CDYL: variants seen among roughly 807,000 people sequenced by gnomAD.
CDYL encodes chromodomain Y-like protein.
A neutral mutation model predicts 47.3 loss-of-function variants in CDYL; 8 were observed. The ratio of observed to expected loss-of-function variants is 0.17; its 90% CI spans 0.10 to 0.31. CDYL has a LOEUF of 0.31. Ranked by LOEUF, CDYL falls within the 10% of genes least tolerant of loss-of-function variation. The pLI is 1.00. For synonymous variants in CDYL, 266 were observed against 265.0 expected, an observed-to-expected ratio of 1.00 and a Z score of -0.04; for missense variants, 471 against 701.4, an observed-to-expected ratio of 0.67 and a Z score of 3.71.
chr6:4,819,144 C>G (rs1490963938), intron 1 of CDYL, among the ~76,000 whole-genome samples: 2 of 141,394 alleles, frequency 1.4e-5, no homozygotes, highest in African/African-American at 5.8e-5. Context: ...CTCTCTCTCT[C>G]TCTCTCTCTC....
At chr6:4,910,934 C>T (rs1561703880) in intron 2 of CDYL, among the ~76,000 whole-genome samples, 3 of 152,016 alleles carry the variant, frequency 2.0e-5, no homozygotes, top group African/African-American at 7.3e-5. Context: ...CCCAGGTTCA[C>T]GCCATTCTCC....
chr6:4,840,576 A>G (rs1417913487), intron 1 of CDYL, among the ~76,000 whole-genome samples: 4 of 152,148 alleles, frequency 2.6e-5, no homozygotes, highest in South Asian at 2.1e-4. Context: ...TGTCCCTTCT[A>G]TGCTGATTTT....
chr6:4,870,303 T>C (rs938340100), intron 1 of CDYL, among the ~76,000 whole-genome samples: 9 of 152,216 alleles, frequency 5.9e-5, no homozygotes, highest in African/African-American at 2.2e-4. Flanking sequence ...TGTTTTCCCT[T>C]TGGTGCTTTG....
upstream of CDYL, among the ~76,000 whole-genome samples, chr6:4,771,605 C>T (rs1758339346): frequency 6.6e-6 from 1 of 152,206 alleles, no homozygotes; most frequent in Non-Finnish European, 1.5e-5. Context: ...CAACATCCAC[C>T]TGCTCCTGGG....
chr6:4,745,251 C>T (rs191428099), intron 3 of CDYL, among the ~76,000 whole-genome samples: 20 of 152,216 alleles, frequency 1.3e-4, no homozygotes, highest in African/African-American at 3.1e-4. Flanking sequence ...TGAGCCACCT[C>T]GCCTGGCCTA....
intron 1 of CDYL, among the ~76,000 whole-genome samples, chr6:4,851,885 G>A (rs1760839170): frequency 6.6e-6 from 1 of 152,126 alleles, no homozygotes; most frequent in South Asian, 2.1e-4. Context: ...GTTCAAATAA[G>A]TGGGGGTGAT....
intron 2 of CDYL, among the ~76,000 whole-genome samples, chr6:4,918,470 G>A (rs1315241245): frequency 6.6e-6 from 1 of 151,504 alleles, no homozygotes; most frequent in African/African-American, 2.4e-5. Flanking sequence ...GCTTTAAAAA[G>A]GAAATAACTA....
intron 5 of CDYL, among the ~76,000 whole-genome samples, chr6:4,945,130 G>A (rs1758473967): frequency 6.6e-6 from 1 of 152,112 alleles, no homozygotes; most frequent in Admixed American, 6.5e-5. Flanking sequence ...TGGGCTCCTG[G>A]GCCAGAGAAA....
chr6:4,810,736 C>G (rs1480527515), intron 1 of CDYL, among the ~76,000 whole-genome samples: 2 of 152,210 alleles, frequency 1.3e-5, no homozygotes, highest in Non-Finnish European at 2.9e-5. Flanking sequence ...GAGGGCTGCT[C>G]TCTGCCCTTC....
intron 1 of CDYL, among the ~76,000 whole-genome samples, chr6:4,872,600 A>G (rs530089506): frequency 1.3e-5 from 2 of 152,078 alleles, no homozygotes; most frequent in Non-Finnish European, 2.9e-5. Flanking sequence ...GGCTGGTCTC[A>G]AACTCCTGAC....
chr6:4,897,997 G>T (rs1762336446), intron 2 of CDYL, among the ~76,000 whole-genome samples: 1 of 151,904 alleles, frequency 6.6e-6, no homozygotes, highest in Admixed American at 6.6e-5. Context: ...GCAAGAGGTT[G>T]CTGTGAGCCG....
At chr6:4,749,346 T>TGG (rs1270250488) in intron 3 of CDYL, among the ~76,000 whole-genome samples, 8 of 81,606 alleles carry the variant, frequency 9.8e-5, no homozygotes, top group Non-Finnish European at 3.1e-4. Flanking sequence ...GATGGCTGGA[T>TGG]ATGAGATAGA....
intron 1 of CDYL, among the ~76,000 whole-genome samples, chr6:4,828,062 C>T (rs1760028008): frequency 6.6e-6 from 1 of 152,066 alleles, no homozygotes; most frequent in Admixed American, 6.6e-5. Context: ...TACCAGAGAG[C>T]TTTATTTCTT....
intron 5 of CDYL, among the ~76,000 whole-genome samples, chr6:4,950,711 G>A (rs1034232929): frequency 1.3e-5 from 2 of 152,052 alleles, no homozygotes; most frequent in Non-Finnish European, 2.9e-5. Context: ...GGCGGATCAC[G>A]AGGTCAGGAG....
intron 2 of CDYL, among the ~76,000 whole-genome samples, chr6:4,721,839 T>G (rs1757376115): frequency 6.6e-6 from 1 of 151,958 alleles, no homozygotes; most frequent in South Asian, 2.1e-4. Context: ...GACACAGACT[T>G]TATCATAATT....
Position 4,879,548 on chromosome 6 carries a change from TG to T in CDYL, c.25-12161del, listed in dbSNP as rs1215012347. On this transcript the variant is annotated intron_variant, in intron 1 of 6. Transcript: ENST00000397588. ...TTATAATATTTCCATTTCTTTTTTG[TG>T]GGGTTTTTTTTTTTTTTTTTTTTTT... Among the ~76,000 whole-genome samples the T allele has an allele frequency of 2.5e-3, 345 of 136,864 alleles. 4 individuals are homozygous for T. Among genetic ancestry groups the T allele is most frequent in the African/African-American group, 8.6e-3 (311 of 36,068 alleles). 89.8% of individuals were successfully genotyped at this position (136,864 alleles called of 152,430 possible).
chr6:4,888,493 T>G (rs1761956696), intron 1 of CDYL, among the ~76,000 whole-genome samples: 1 of 152,194 alleles, frequency 6.6e-6, no homozygotes, highest in South Asian at 2.1e-4. Context: ...TGTTCCCTCT[T>G]TAATTCCTGG....
At chr6:4,800,948 C>T (rs887435986) in intron 1 of CDYL, among the ~76,000 whole-genome samples, 8 of 152,186 alleles carry the variant, frequency 5.3e-5, no homozygotes, top group East Asian at 1.9e-4. Context: ...GTTTATTGAG[C>T]TTTTGGGAGA....
rs77744845 is a variant in CDYL, at chr6:4,818,741, A to C, written c.24+41934A>C. Among the ~76,000 whole-genome samples the C allele has an allele frequency of 7.1e-3, 1,080 of 152,314 alleles. 13 individuals carry two copies. The highest frequency in any genetic ancestry group is 0.025 in the African/African-American group (1,046 of 41,568). ...AGTTGTATTCCGTAGTAGAGATGCTAAATGGGTAAGGTGTGAAAGCTGACT... is the reference window on the plus strand; with the variant it reads ...AGTTGTATTCCGTAGTAGAGATGCTCAATGGGTAAGGTGTGAAAGCTGACT... On this transcript the variant is annotated intron_variant, in intron 1 of 6. Transcript: ENST00000397588.
Sources: gnomAD v4.1 joint callset for allele counts (sites outside exome capture counted in the v4.1 genomes callset) on GRCh38, gnomAD v4.1.1 for gene constraint, MANE v1.5 for transcripts, NCBI Gene and HGNC (gene_info 2026-07-23, HGNC 2026-07-21) for gene names.